Variants in MTUS2 observed in about 807,000 individuals in gnomAD.
MTUS2 encodes the protein microtubule-associated tumor suppressor candidate 2.
Under a neutral mutation model 114.1 loss-of-function variants are expected in MTUS2, and 40 were observed. The ratio of observed to expected loss-of-function variants is 0.35; its 90% CI spans 0.27 to 0.46. MTUS2 has a LOEUF of 0.46. Among genes scored for constraint, MTUS2 ranks in the 20% least tolerant of loss-of-function variants. MTUS2 has a pLI of 1.00. For synonymous variants in MTUS2, 688 were observed against 672.0 expected, an observed-to-expected ratio of 1.02 and a Z score of -0.37; for missense variants, 1,679 against 1,705.4, an observed-to-expected ratio of 0.98 and a Z score of 0.27.
intron 5 of MTUS2, among the ~76,000 whole-genome samples, chr13:29,262,090 G>T (rs1897494364): frequency 6.6e-6 from 1 of 152,230 alleles, no homozygotes; most frequent in Non-Finnish European, 1.5e-5. Context: ...CAGAAGTTCA[G>T]AAGTCCTGGG....
chr13:28,990,041 C>T (rs931978002), intron 2 of MTUS2, among the ~76,000 whole-genome samples: 2 of 152,090 alleles, frequency 1.3e-5, no homozygotes, highest in South Asian at 2.1e-4. Flanking sequence ...CTTCGGCTGC[C>T]TGGGAGGTGT....
chr13:28,956,255 C>A (rs983912161), intron 2 of MTUS2, among the ~76,000 whole-genome samples: 1 of 152,076 alleles, frequency 6.6e-6, no homozygotes, highest in Admixed American at 6.6e-5. Flanking sequence ...AGATCATTTC[C>A]GCCATGGTTG....
intron 5 of MTUS2, among the ~76,000 whole-genome samples, chr13:29,155,704 A>G (rs113660612): frequency 2.6e-5 from 4 of 152,202 alleles, no homozygotes; most frequent in South Asian, 2.1e-4. Context: ...ATGTGTGTAT[A>G]TATATTTTCA....
chr13:29,207,085 G>C (rs138966064), intron 5 of MTUS2, among the ~76,000 whole-genome samples: 1 of 151,642 alleles, frequency 6.6e-6, no homozygotes, highest in East Asian at 1.9e-4. Context: ...GATTTTTTTC[G>C]GCAGTGTTTT....
chr13:29,347,656 A>G (rs1868839299), intron 7 of MTUS2, among the ~76,000 whole-genome samples: 1 of 152,150 alleles, frequency 6.6e-6, no homozygotes, highest in Non-Finnish European at 1.5e-5. Flanking sequence ...ATTCAAGTAT[A>G]ACACTAATTA....
chr13:29,454,828 G>A (rs1162929743), intron 9 of MTUS2, among the ~76,000 whole-genome samples: 1 of 152,186 alleles, frequency 6.6e-6, no homozygotes, highest in Non-Finnish European at 1.5e-5. Flanking sequence ...TGGGAGGAGA[G>A]GGAATCCTAT....
rs189062743 is a variant in MTUS2, at chr13:29,033,816, C to T, written c.2206-69C>T. 1.0e-4 allele frequency: 160 copies of T among 1,580,610 alleles called. 1 individual carries two copies. The East Asian group carries it at 2.8e-3, about 28-fold the overall frequency. On this transcript the variant is annotated intron_variant, in intron 3 of 15. Coordinates refer to ENST00000612955, the MANE Select transcript of MTUS2 (RefSeq NM_001033602.4). ...GTGGTCATTGGTTCAGCCTCGGTCT[C>T]GTGGTCCTGTATAGAACTCACACTA...
Position 29,262,839 on chromosome 13 carries a change from T to G in MTUS2, c.2645-18865T>G, listed in dbSNP as rs546366406. Among the ~76,000 whole-genome samples the G allele has an allele frequency of 3.9e-5, 6 of 152,252 alleles. No homozygotes were observed. The South Asian group carries it at 1.2e-3, about 32-fold the overall frequency. On this transcript the variant is annotated intron_variant, in intron 5 of 15. Coordinates refer to ENST00000612955, the MANE Select transcript of MTUS2 (RefSeq NM_001033602.4). ...TGAGACAGGATCTCATAAAATATGG[T>G]GCCATCTTGGGTCTTGTGGGACAGA...
At chr13:29,489,839 C>T (rs1188720224) in intron 11 of MTUS2, 1 of 152,244 alleles carries the variant, frequency 6.6e-6, no homozygotes, top group Non-Finnish European at 1.5e-5. Flanking sequence ...GATACTGCCT[C>T]TTCTTTTCCC....
At chr13:29,370,650 G>T (rs953384013) in intron 8 of MTUS2, among the ~76,000 whole-genome samples, 1 of 152,088 alleles carries the variant, frequency 6.6e-6, no homozygotes, top group African/African-American at 2.4e-5. Context: ...CCAGTGCTAT[G>T]CTCTTGGACT....
intron 2 of MTUS2, among the ~76,000 whole-genome samples, chr13:28,896,727 C>G (rs1236834073): frequency 6.6e-6 from 1 of 152,110 alleles, no homozygotes; most frequent in Non-Finnish European, 1.5e-5. Context: ...GAACAGAACA[C>G]AGCCCTCAGA....
At chr13:29,282,996 A>T (rs1898335746) in intron 6 of MTUS2, among the ~76,000 whole-genome samples, 1 of 152,202 alleles carries the variant, frequency 6.6e-6, no homozygotes, top group Non-Finnish European at 1.5e-5. Context: ...TGCAATAAAC[A>T]GCCTTGAGTG....
At chr13:29,419,183 G>A (rs1161012368) in intron 8 of MTUS2, among the ~76,000 whole-genome samples, 7 of 152,110 alleles carry the variant, frequency 4.6e-5, no homozygotes, top group Admixed American at 3.9e-4. Context: ...CCTCCTCATG[G>A]GTCATACATT....
chr13:29,405,110 T>A (rs547832222), intron 8 of MTUS2, among the ~76,000 whole-genome samples: 1 of 152,204 alleles, frequency 6.6e-6, no homozygotes, highest in Non-Finnish European at 1.5e-5. Flanking sequence ...TGCTTTCCTA[T>A]GCCCTGGAAA....
chr13:29,162,832 G>T (rs774687134), intron 5 of MTUS2, among the ~76,000 whole-genome samples: 2 of 152,214 alleles, frequency 1.3e-5, no homozygotes, highest in African/African-American at 2.4e-5. Flanking sequence ...CATCCTCTGA[G>T]AATCTAGGAC....
chr13:29,346,547 C>T (rs543167001), intron 7 of MTUS2, among the ~76,000 whole-genome samples: 1 of 141,846 alleles, frequency 7.0e-6, no homozygotes, highest in South Asian at 2.4e-4. Context: ...GTCTCACTCC[C>T]ACCATGTCCC....
chr13:28,860,682 T>A (rs1182195387), intron 2 of MTUS2, among the ~76,000 whole-genome samples: 1 of 152,182 alleles, frequency 6.6e-6, no homozygotes, highest in African/African-American at 2.4e-5. Context: ...ACCTCAGATG[T>A]TTCCCTGTGT....
chr13:29,403,668 T>C (rs544529848), intron 8 of MTUS2, among the ~76,000 whole-genome samples: 165 of 152,322 alleles, frequency 1.1e-3, no homozygotes, highest in Middle Eastern at 3.4e-3. Context: ...ATTTTGTTTT[T>C]CCTGCCTACT....
chr13:29,274,362 C>T (rs1277912211), intron 5 of MTUS2, among the ~76,000 whole-genome samples: 2 of 152,028 alleles, frequency 1.3e-5, no homozygotes, highest in African/African-American at 2.4e-5. Context: ...TGCCTGCCTC[C>T]GCCTCCCAAA....
Sources: allele counts gnomAD v4.1 joint callset (sites outside exome capture counted in the v4.1 genomes callset), GRCh38; gene constraint gnomAD v4.1.1; transcripts MANE v1.5; gene names NCBI Gene and HGNC (gene_info 2026-07-23, HGNC 2026-07-21).